SEC24A: variants seen among roughly 807,000 people sequenced by gnomAD.
SEC24A encodes the protein protein transport protein Sec24A.
Under a neutral mutation model 129.4 loss-of-function variants are expected in SEC24A, and 93 were observed. That is an observed-to-expected ratio of 0.72 (90% CI 0.61 to 0.85). The LOEUF (loss-of-function observed/expected upper bound fraction) is 0.85. Among genes scored for constraint, SEC24A ranks in the 40% least tolerant of loss-of-function variants. The probability of loss-of-function intolerance (pLI) is 0.00; values close to 1 mark genes in which losing one functional copy is unlikely to be tolerated. For missense variants in SEC24A, 1,264 were observed against 1,307.4 expected, an observed-to-expected ratio of 0.97 and a Z score of 0.51; for synonymous variants, 460 against 467.3, an observed-to-expected ratio of 0.98 and a Z score of 0.20.
Position 134,677,624 on chromosome 5 carries a change from G to C in SEC24A, c.1254+1499G>C, listed in dbSNP as rs182932996. Among the ~76,000 whole-genome samples the C allele has an allele frequency of 9.9e-5, 15 of 151,468 alleles. 1 individual carries two copies. The highest frequency in any genetic ancestry group is 2.0e-4 in the Admixed American group (3 of 15,168). ...AGGCTGAGGCGGGCAGATCACCTGA[G>C]GTCAGGAATTCAAGACCAGCCTGGC... On this transcript the variant is annotated intron_variant, in intron 7 of 22. Coordinates refer to ENST00000398844, the MANE Select transcript of SEC24A (RefSeq NM_021982.3).
At position 134,679,721 on chromosome 5, in the gene SEC24A, C is replaced by A; in HGVS notation, c.1374C>A (p.Val458=). 1.9e-6 allele frequency: 3 copies of A among 1,579,570 alleles called. No homozygotes were observed. Among genetic ancestry groups the A allele is most frequent in the South Asian group, 2.3e-5 (2 of 85,940 alleles). ...RRWKCNLCYR[V]NDVPEEFLYN... ...GGAAGTGTAACTTATGTTATCGAGT[C>A]AATGATGGTATGGGATGCTTTTTTG... The change falls in exon 8 of 23, where the codon GTC becomes GTA. Residue 458 remains valine (V), a synonymous_variant. Transcript: ENST00000398844.
intron 1 of SEC24A, among the ~76,000 whole-genome samples, chr5:134,654,951 G>T (rs747484691): frequency 6.6e-6 from 1 of 151,690 alleles, no homozygotes; most frequent in African/African-American, 2.4e-5. Context: ...TCCTGACCTC[G>T]TGATCCTCCC....
chr5:134,692,121 G>A (rs188843930), intron 11 of SEC24A, among the ~76,000 whole-genome samples: 2 of 144,870 alleles, frequency 1.4e-5, no homozygotes, highest in Non-Finnish European at 3.0e-5. Flanking sequence ...GTGCAGTGGT[G>A]CAATCTTGGC....
intron 13 of SEC24A, among the ~76,000 whole-genome samples, chr5:134,695,702 T>C (rs1240886509): frequency 1.3e-5 from 2 of 151,842 alleles, no homozygotes; most frequent in Non-Finnish European, 2.9e-5. Context: ...GGAGAATTGC[T>C]TGAACCTGGG....
At chr5:134,702,510 A>C (rs1752033801) in intron 15 of SEC24A, among the ~76,000 whole-genome samples, 1 of 152,198 alleles carries the variant, frequency 6.6e-6, no homozygotes, top group Non-Finnish European at 1.5e-5. Flanking sequence ...AGAATTTCTT[A>C]TTAAAAATGG....
At chr5:134,660,591 T>G (rs956029610) in intron 1 of SEC24A, among the ~76,000 whole-genome samples, 7 of 151,422 alleles carry the variant, frequency 4.6e-5, no homozygotes, top group African/African-American at 1.5e-4. Flanking sequence ...TTTTTTTTTT[T>G]GTCACCCAGG....
At chr5:134,674,478 A>G (rs1355000137) in intron 4 of SEC24A, 137 bp from the exon 5 acceptor site, 1 of 650,438 alleles carries the variant, frequency 1.5e-6, no homozygotes, top group African/African-American at 1.8e-5. Flanking sequence ...TTAAGGCTGC[A>G]GTGAGGTGTG....
chr5:134,649,757 C>T (rs1038539345), intron 1 of SEC24A, among the ~76,000 whole-genome samples: 1 of 152,160 alleles, frequency 6.6e-6, no homozygotes, highest in African/African-American at 2.4e-5. Flanking sequence ...GATGTCTGGA[C>T]AGCATTTGGA....
intron 17 of SEC24A, among the ~76,000 whole-genome samples, chr5:134,706,255 TA>T (rs1202977065): frequency 6.6e-6 from 1 of 152,186 alleles, no homozygotes; most frequent in African/African-American, 2.4e-5. Context: ...CAGTGTACCA[TA>T]AAGATCATTA....
Position 134,686,907 on chromosome 5 carries a change from GT to G in SEC24A, c.1604+8del. The G allele has an allele frequency of 6.6e-7, 1 of 1,505,582 alleles. No homozygotes were observed. Among genetic ancestry groups the G allele is most frequent in the South Asian group, 1.2e-5 (1 of 84,264 alleles). 93.3% of individuals were successfully genotyped at this position (1,505,582 alleles called of 1,614,324 possible). On this transcript the variant is annotated splice_donor_region_variant and intron_variant, in intron 10 of 22. Coordinates refer to ENST00000398844, the MANE Select transcript of SEC24A (RefSeq NM_021982.3). ...TTTGTTAGACAATCTGGATTTGTAAGTTTCTCAATTCAGCTTAAATATGAAA... is the reference window on the plus strand; with the variant it reads ...TTTGTTAGACAATCTGGATTTGTAAGTTCTCAATTCAGCTTAAATATGAAA...
intron 12 of SEC24A, chr5:134,693,476 G>A (rs1751725608): frequency 7.2e-7 from 1 of 1,392,506 alleles, no homozygotes; most frequent in Admixed American, 3.1e-5. Context: ...GATACATTTT[G>A]GACTTATAGT....
intron 18 of SEC24A, among the ~76,000 whole-genome samples, chr5:134,712,764 G>A (rs1045435510): frequency 6.6e-6 from 1 of 151,258 alleles, no homozygotes; most frequent in African/African-American, 2.4e-5. Flanking sequence ...GATTACAGGT[G>A]TGTGCCACCA....
At chr5:134,681,429 A>G (rs1482430569) in intron 8 of SEC24A, among the ~76,000 whole-genome samples, 1 of 145,262 alleles carries the variant, frequency 6.9e-6, no homozygotes, top group Non-Finnish European at 1.5e-5. Context: ...AAACAAAAAA[A>G]CAGTTTTATT....
At chr5:134,695,919 T>C (rs1226595769) in intron 13 of SEC24A, among the ~76,000 whole-genome samples, 1 of 136,830 alleles carries the variant, frequency 7.3e-6, no homozygotes, top group African/African-American at 2.8e-5. Flanking sequence ...CACTCCAGCC[T>C]GGGTGACAGA....
chr5:134,702,824 G>A (rs1412965435), intron 15 of SEC24A, among the ~76,000 whole-genome samples: 1 of 152,048 alleles, frequency 6.6e-6, no homozygotes, highest in Non-Finnish European at 1.5e-5. Flanking sequence ...GAGTGCAGTG[G>A]CGCGATCTTG....
intron 22 of SEC24A, among the ~76,000 whole-genome samples, chr5:134,724,081 G>A (rs1752696520): frequency 6.6e-6 from 1 of 152,128 alleles, no homozygotes; most frequent in Admixed American, 6.6e-5. Flanking sequence ...CATCCTAACT[G>A]AAATTTTGTA....
chr5:134,686,951 A>C, intron 10 of SEC24A, 49 bp downstream of exon 10: 2 of 1,009,662 alleles, frequency 2.0e-6, no homozygotes, highest in Admixed American at 2.3e-5. Context: ...TATTTTCTAA[A>C]TGAATAAGTA....
intron 12 of SEC24A, chr5:134,693,401 A>T (rs1751722210): frequency 2.2e-6 from 3 of 1,354,146 alleles, no homozygotes; most frequent in African/African-American, 1.5e-5. Flanking sequence ...TGTAGAGGTG[A>T]TGGAGAAGGC....
At chr5:134,696,344 A>G (rs1022452760) in intron 13 of SEC24A, among the ~76,000 whole-genome samples, 1 of 152,178 alleles carries the variant, frequency 6.6e-6, no homozygotes, top group African/African-American at 2.4e-5. Context: ...CTAAGTAAGT[A>G]TTACATATGA....
Sources: gnomAD v4.1 joint callset for allele counts (sites outside exome capture counted in the v4.1 genomes callset) on GRCh38, gnomAD v4.1.1 for gene constraint, MANE v1.5 for transcripts, NCBI Gene and HGNC (gene_info 2026-07-23, HGNC 2026-07-21) for gene names.